FGF14: variants seen among roughly 807,000 people sequenced by gnomAD.
FGF14 encodes fibroblast growth factor homologous factor 4.
FGF14 carries 5 observed loss-of-function variants against 25.5 expected under a neutral mutation model. The observed-to-expected ratio is 0.20, with a 90% CI of 0.10 to 0.41. The LOEUF is 0.41. Ranked by LOEUF, FGF14 falls within the 10% of genes least tolerant of loss-of-function variation. The pLI, the probability that FGF14 is intolerant of heterozygous loss-of-function variation, is 1.00. For synonymous variants in FGF14, 138 were observed against 118.3 expected (o/e 1.17, Z -1.08); for missense variants, 222 against 320.1 (o/e 0.69, Z 2.34).
chr13:101,741,474 A>G (rs77853075), intron 3 of FGF14, among the ~76,000 whole-genome samples: 1,910 of 152,242 alleles, frequency 0.013, 34 homozygotes, highest in African/African-American at 0.044. Context: ...AATCCATTAA[A>G]CATCAGTAAA....
intron 1 of FGF14, among the ~76,000 whole-genome samples, chr13:101,893,987 T>G (rs918589917): frequency 1.3e-5 from 2 of 151,280 alleles, no homozygotes; most frequent in Non-Finnish European, 2.9e-5. Flanking sequence ...GAAAGTGCTT[T>G]CACTAAACAC....
At position 101,715,681 on chromosome 13, in the gene FGF14, T is replaced by G. The variant is rs755892473; in HGVS notation, c.*7150A>C. 3.4e-6 allele frequency: 5 copies of G among 1,474,144 alleles called. No individual in the cohort carries two copies. Among genetic ancestry groups the G allele is most frequent in the Non-Finnish European group, 3.8e-6 (4 of 1,052,508 alleles). The allele number at this position is 1,474,144 out of a possible 1,614,324, so 91.3% of individuals were successfully genotyped here. ...AATTACATGAGAGAGGTCTGGATTC[T>G]TATTTTTTCTGGGCCATTAGAACAG... is the stretch of plus-strand genomic sequence containing the variant. On this transcript the variant is annotated 3_prime_UTR_variant, in exon 5 of 5. Coordinates refer to ENST00000376143, the MANE Select transcript of FGF14 (RefSeq NM_004115.4).
intron 1 of FGF14, among the ~76,000 whole-genome samples, chr13:101,897,407 G>A (rs867164160): frequency 3.3e-5 from 5 of 152,202 alleles, no homozygotes; most frequent in South Asian, 4.1e-4. Context: ...AAAGCTGGCA[G>A]CAGCATCACA....
Position 101,819,921 on chromosome 13 carries a change from T to C in FGF14, c.408+48804A>G, listed in dbSNP as rs73557447. On this transcript the variant is annotated intron_variant, in intron 3 of 4. Transcript: ENST00000376143. ...GAAAGATATTTCAGAGAACAGGCTG[T>C]GTAATTAGAAAAAAGGATGGTACAT... Among the ~76,000 whole-genome samples, 806 of 152,330 alleles carry C rather than the reference T, an allele frequency of 5.3e-3. 7 individuals carry two copies. Among genetic ancestry groups the C allele is most frequent in the African/African-American group, 0.019 (769 of 41,562 alleles).
chr13:102,001,416 T>C (rs2039488573), intron 1 of FGF14, among the ~76,000 whole-genome samples: 1 of 152,198 alleles, frequency 6.6e-6, no homozygotes, highest in Non-Finnish European at 1.5e-5. Context: ...AAGAGACTTT[T>C]GGATCATGTA....
chr13:102,303,829 A>T (rs1348783420), intron 1 of FGF14, among the ~76,000 whole-genome samples: 2 of 152,200 alleles, frequency 1.3e-5, no homozygotes, highest in African/African-American at 2.4e-5. Context: ...ATCTGCAATT[A>T]GTGTCTTTAA....
intron 1 of FGF14, among the ~76,000 whole-genome samples, chr13:102,099,842 G>T (rs935598409): frequency 6.8e-6 from 1 of 146,902 alleles, no homozygotes. Context: ...ATATAGTTAG[G>T]TTTAGTAGGG....
intron 1 of FGF14, chr13:102,401,334 A>G: frequency 5.1e-6 from 4 of 790,504 alleles, no homozygotes; most frequent in Non-Finnish European, 6.4e-6. Flanking sequence ...TTCATGCAAC[A>G]CCTCTATATG....
chr13:102,322,378 A>G (rs2056277554), intron 1 of FGF14, among the ~76,000 whole-genome samples: 1 of 152,152 alleles, frequency 6.6e-6, no homozygotes, highest in Non-Finnish European at 1.5e-5. Flanking sequence ...GGAAAGACCT[A>G]TTAGGCCTGT....
At chr13:101,999,008 C>T (rs763569530) in intron 1 of FGF14, among the ~76,000 whole-genome samples, 2 of 152,122 alleles carry the variant, frequency 1.3e-5, no homozygotes, top group Admixed American at 1.3e-4. Flanking sequence ...TATTTATTAA[C>T]CCTATAAATG....
intron 1 of FGF14, among the ~76,000 whole-genome samples, chr13:102,378,187 G>A (rs2058084618): frequency 6.6e-6 from 1 of 152,138 alleles, no homozygotes; most frequent in Non-Finnish European, 1.5e-5. Context: ...GAACCCTAAT[G>A]TAAACTATGA....
intron 1 of FGF14, among the ~76,000 whole-genome samples, chr13:102,181,843 G>A (rs74330029): frequency 1.2e-3 from 176 of 152,162 alleles, no homozygotes; most frequent in African/African-American, 4.2e-3. Flanking sequence ...TGGGGATTAC[G>A]GCATGGACGT....
chr13:102,290,092 G>A (rs2054303533), intron 1 of FGF14, among the ~76,000 whole-genome samples: 1 of 152,162 alleles, frequency 6.6e-6, no homozygotes, highest in South Asian at 2.1e-4. Flanking sequence ...TAACTCAAAT[G>A]GTACAATGAA....
rs184052822 is a variant in FGF14 at position 101,836,917 on chromosome 13, G to A, written c.408+31808C>T. Among the ~76,000 whole-genome samples, 559 of 152,064 alleles carry A rather than the reference G, an allele frequency of 3.7e-3. 6 individuals carry two copies. Among genetic ancestry groups the A allele is most frequent in the African/African-American group, 0.013 (519 of 41,508 alleles). On this transcript the variant is annotated intron_variant, in intron 3 of 4. Coordinates refer to ENST00000376143, the MANE Select transcript of FGF14 (RefSeq NM_004115.4). ...TTTGTATAAATAGTTCATGTTTATA[G>A]AGCTCATATTTCAATTCACCCACAA... is the stretch of plus-strand genomic sequence containing the variant.
intron 1 of FGF14, among the ~76,000 whole-genome samples, chr13:102,149,852 C>T (rs1009505334): frequency 1.1e-4 from 17 of 152,198 alleles, no homozygotes; most frequent in African/African-American, 4.1e-4. Flanking sequence ...TAAACCATCT[C>T]TTCTTTCCTT....
chr13:101,814,595 C>T (rs564355288), intron 3 of FGF14, among the ~76,000 whole-genome samples: 21 of 152,270 alleles, frequency 1.4e-4, no homozygotes, highest in Non-Finnish European at 2.6e-4. Flanking sequence ...CATCCCTACC[C>T]CCAAGTGACT....
At chr13:101,829,764 G>C (rs1489953453) in intron 3 of FGF14, among the ~76,000 whole-genome samples, 1 of 152,058 alleles carries the variant, frequency 6.6e-6, no homozygotes, top group African/African-American at 2.4e-5. Context: ...TAGGGGTTAA[G>C]ATTTCAAAAC....
At chr13:102,380,308 G>A (rs555062429) in intron 1 of FGF14, among the ~76,000 whole-genome samples, 1 of 152,170 alleles carries the variant, frequency 6.6e-6, no homozygotes, top group Non-Finnish European at 1.5e-5. Flanking sequence ...TCAGTTTAAA[G>A]TTCAGCACGA....
At chr13:102,286,037 G>T (rs1181957114) in intron 1 of FGF14, among the ~76,000 whole-genome samples, 2 of 152,200 alleles carry the variant, frequency 1.3e-5, no homozygotes, top group Admixed American at 6.5e-5. Context: ...CCATTGGTCT[G>T]AGACTCCTAA....
Sources: gnomAD v4.1 joint callset for allele counts (sites outside exome capture counted in the v4.1 genomes callset) on GRCh38, gnomAD v4.1.1 for gene constraint, MANE v1.5 for transcripts, NCBI Gene and HGNC (gene_info 2026-07-23, HGNC 2026-07-21) for gene names.